The following AZI2 variants were observed in gnomAD, a reference collection of about 807,000 sequenced individuals.
The protein encoded by AZI2 is 5-azacytidine induced 2.
A neutral mutation model predicts 45.8 loss-of-function variants in AZI2; 22 were observed. The ratio of observed to expected loss-of-function variants is 0.48; its 90% CI spans 0.34 to 0.69. The LOEUF (loss-of-function observed/expected upper bound fraction) is 0.69, where lower values mean the gene tolerates loss of function less well. Ranked by LOEUF, AZI2 falls within the 30% of genes least tolerant of loss-of-function variation. The pLI, the probability that AZI2 is intolerant of heterozygous loss-of-function variation, is 0.01. For missense variants in AZI2, 417 were observed against 441.5 expected, an observed-to-expected ratio of 0.94 and a Z score of 0.50; for synonymous variants, 137 against 156.7, an observed-to-expected ratio of 0.87 and a Z score of 0.94.
At chr3:28,346,031 T>TA (rs2125672571) in intron 1 of AZI2, among the ~76,000 whole-genome samples, 1 of 152,246 alleles carries the variant, frequency 6.6e-6, no homozygotes, top group South Asian at 2.1e-4. Flanking sequence ...TTAAATACCT[T>TA]ACCTATAGCT....
At chr3:28,327,056 G>C (rs2125639080) in intron 6 of AZI2, 106 bp from the exon 7 acceptor site, 1 of 751,586 alleles carries the variant, frequency 1.3e-6, no homozygotes, top group Admixed American at 2.8e-5. Flanking sequence ...AATTAGTTTT[G>C]AGATGATGTA....
intron 4 of AZI2, chr3:28,337,127 C>G: frequency 2.3e-6 from 1 of 429,446 alleles, no homozygotes; most frequent in Non-Finnish European, 4.1e-6. Context: ...TAAGCATATG[C>G]TAAAATTGCA....
At chr3:28,332,517 G>T (rs911462726) in intron 5 of AZI2, 90 bp from the exon 6 acceptor site, 8 of 1,078,258 alleles carry the variant, frequency 7.4e-6, no homozygotes, top group South Asian at 6.8e-5. Context: ...ACATGTTCAG[G>T]TTTTACAGAA....
At chr3:28,338,112 A>ATCTTC in intron 3 of AZI2, 76 bp from the exon 4 acceptor site, 1 of 729,040 alleles carries the variant, frequency 1.4e-6, no homozygotes, top group Non-Finnish European at 2.1e-6. Flanking sequence ...TCAGGAAGAT[A>ATCTTC]CTGAAAAAAA....
intron 4 of AZI2, among the ~76,000 whole-genome samples, chr3:28,337,710 G>C (rs1055800300): frequency 2.6e-5 from 4 of 151,970 alleles, no homozygotes; most frequent in African/African-American, 9.7e-5. Context: ...ACCTAGACCT[G>C]AATAAAAACC....
chr3:28,338,350 C>T, intron 3 of AZI2, 143 bp downstream of exon 3: 1 of 895,794 alleles, frequency 1.1e-6, no homozygotes, highest in Middle Eastern at 3.8e-4. Context: ...TAAAATATTA[C>T]TAAAATTTCC....
chr3:28,324,302 C>T lies in AZI2; in HGVS notation c.919G>A (p.Val307Ile). ...ATTGCTTTCTCTGATAAAACCTTTA[C>T]ATCTCCTGGTAAAGGGGAAGATGTG... ...HTTSSPLPGD[V>I]KVLSEKAILQ... Residue 307 changes from valine to isoleucine, a missense_variant, in exon 8 of 8, where the codon GTA becomes ATA. Coordinates refer to ENST00000479665, the MANE Select transcript of AZI2 (RefSeq NM_022461.5). 6.2e-7 allele frequency: 1 copy of T among 1,607,350 alleles called. No individual in the cohort carries two copies.
rs781678255 is a variant in AZI2 at position 28,324,114 on chromosome 3, A to T, written c.1107T>A (p.Thr369=). The change falls in exon 8 of 8, where the codon ACT becomes ACA. Residue 369 remains threonine (T), a synonymous_variant. Coordinates refer to ENST00000479665, the MANE Select transcript of AZI2 (RefSeq NM_022461.5). ...ETAFGETKTK[T]LPLPNLPPLH... Reference sequence around the variant, plus strand: ...GTGGTGGAAGGTTGGGTAAAGGCAAAGTTTTAGTTTTAGTTTCCCCAAATG... The same window carrying T: ...GTGGTGGAAGGTTGGGTAAAGGCAATGTTTTAGTTTTAGTTTCCCCAAATG... The T allele has an allele frequency of 1.9e-6, 3 of 1,610,244 alleles. No individual in the cohort carries two copies. The highest frequency in any genetic ancestry group is 2.5e-6 in the Non-Finnish European group (3 of 1,177,402).
In AZI2 at chr3:28,326,893, C is replaced by T. The variant is rs1236988307; in HGVS notation, c.705G>A (p.Leu235=). ...ELKREMSNLH[L]VTQVQAELLR... is the part of the protein sequence containing the mutation. Reference sequence around the variant, plus strand: ...GTAGTTCAGCTTGTACTTGAGTCACCAGATGTAAATTAGACATTTCTCTCT... The same window carrying T: ...GTAGTTCAGCTTGTACTTGAGTCACTAGATGTAAATTAGACATTTCTCTCT... The change falls in exon 7 of 8, where the codon CTG becomes CTA. Residue 235 remains leucine (L), a synonymous_variant. Coordinates refer to ENST00000479665, the MANE Select transcript of AZI2 (RefSeq NM_022461.5). 1 of 1,608,382 alleles carries T rather than the reference C, an allele frequency of 6.2e-7. No individual in the cohort carries two copies. The highest frequency in any genetic ancestry group is 8.5e-7 in the Non-Finnish European group (1 of 1,176,072).
chr3:28,341,206 T>A (rs1704004818), intron 1 of AZI2, among the ~76,000 whole-genome samples: 1 of 152,116 alleles, frequency 6.6e-6, no homozygotes, highest in Non-Finnish European at 1.5e-5. Flanking sequence ...GAGTGTCCAA[T>A]ATGTCCCACT....
chr3:28,339,327 A>G (rs113945660), intron 2 of AZI2, among the ~76,000 whole-genome samples: 1,539 of 152,222 alleles, frequency 0.01, 25 homozygotes, highest in African/African-American at 0.035. Context: ...AATTTGTTAA[A>G]TCCTTTATAT....
chr3:28,329,020 TAA>T (rs1219304568), intron 6 of AZI2, among the ~76,000 whole-genome samples: 4 of 151,182 alleles, frequency 2.6e-5, no homozygotes, highest in Admixed American at 6.6e-5. Flanking sequence ...ACTGGGAGTA[TAA>T]AGTTTAGTTT....
intron 1 of AZI2, among the ~76,000 whole-genome samples, chr3:28,342,002 C>T (rs1704036244): frequency 6.6e-6 from 1 of 152,066 alleles, no homozygotes; most frequent in South Asian, 2.1e-4. Flanking sequence ...ACCCGTGTTT[C>T]ACTATGCCTG....
At chr3:28,338,265 A>G (rs139552702) in intron 3 of AZI2, among the ~76,000 whole-genome samples, 1 of 152,168 alleles carries the variant, frequency 6.6e-6, no homozygotes, top group African/African-American at 2.4e-5. Context: ...TAGTTTTTCA[A>G]AATAAGTCGG....
intron 1 of AZI2, among the ~76,000 whole-genome samples, chr3:28,343,255 C>A (rs1704095293): frequency 1.3e-5 from 2 of 152,040 alleles, no homozygotes; most frequent in Non-Finnish European, 1.5e-5. Flanking sequence ...TAAGACTGTA[C>A]TCTCATGTGA....
chr3:28,329,635 C>T (rs1160151971), intron 6 of AZI2, among the ~76,000 whole-genome samples: 1 of 151,302 alleles, frequency 6.6e-6, no homozygotes, highest in Admixed American at 6.6e-5. Flanking sequence ...GTTTCTACTT[C>T]AGCCATACAT....
intron 4 of AZI2, 76 bp downstream of exon 4, chr3:28,337,861 A>C: frequency 1.1e-6 from 1 of 939,568 alleles, no homozygotes; most frequent in Non-Finnish European, 1.5e-6. Flanking sequence ...ATGGATACAG[A>C]AAACTGTTGA....
At chr3:28,346,197 C>G (rs1704222570) in intron 1 of AZI2, among the ~76,000 whole-genome samples, 1 of 152,006 alleles carries the variant, frequency 6.6e-6, no homozygotes, top group Non-Finnish European at 1.5e-5. Context: ...AACACTTTCC[C>G]AGGATTCAGA....
Position 28,338,308 on chromosome 3 carries a change from T to C in AZI2, c.339+185A>G, listed in dbSNP as rs576511927. Among the ~76,000 whole-genome samples the C allele has an allele frequency of 3.3e-5, 5 of 152,106 alleles. No individual in the cohort carries two copies. The South Asian group carries it at 1.0e-3, about 32-fold the overall frequency. Reference sequence around the variant, plus strand: ...AGATGTATTTAAGTCCTAAACATCATTACATACTAAATATTTTACATAAAA... The same window carrying C: ...AGATGTATTTAAGTCCTAAACATCACTACATACTAAATATTTTACATAAAA... On this transcript the variant is annotated intron_variant, in intron 3 of 7. Coordinates refer to ENST00000479665, the MANE Select transcript of AZI2 (RefSeq NM_022461.5).
Sources: allele counts gnomAD v4.1 joint callset (sites outside exome capture counted in the v4.1 genomes callset), GRCh38; gene constraint gnomAD v4.1.1; transcripts MANE v1.5; gene names NCBI Gene and HGNC (gene_info 2026-07-23, HGNC 2026-07-21).